The following PTPN14 variants were observed in gnomAD, a reference collection of about 807,000 sequenced individuals.
PTPN14 encodes the protein tyrosine-protein phosphatase non-receptor type 14.
Under a neutral mutation model 126.8 loss-of-function variants are expected in PTPN14, and 53 were observed. That is an observed-to-expected ratio of 0.42 (90% CI 0.34 to 0.53). The LOEUF is 0.53. Ranked by LOEUF, PTPN14 falls within the 20% of genes least tolerant of loss-of-function variation. PTPN14 has a pLI of 0.08. For synonymous variants in PTPN14, 630 were observed against 599.3 expected (o/e 1.05, Z -0.75); for missense variants, 1,257 against 1,552.9 (o/e 0.81, Z 3.20).
chr1:214,497,129 G>A (rs74915630), intron 1 of PTPN14, among the ~76,000 whole-genome samples: 7,752 of 148,118 alleles, frequency 0.052, 669 homozygotes, highest in African/African-American at 0.18. Context: ...GTGGGGGGTC[G>A]GGGGGAAGAA....
chr1:214,544,263 T>A (rs559797529), intron 1 of PTPN14, among the ~76,000 whole-genome samples: 32 of 151,886 alleles, frequency 2.1e-4, no homozygotes, highest in African/African-American at 7.7e-4. Context: ...ACTCCATCTG[T>A]ACAAAAATTT....
intron 1 of PTPN14, among the ~76,000 whole-genome samples, chr1:214,504,533 C>T (rs796635450): frequency 4.1e-4 from 62 of 152,262 alleles, no homozygotes; most frequent in African/African-American, 1.3e-3. Context: ...CACCCAGGAA[C>T]GGGGCTCTTA....
chr1:214,550,003 T>C (rs1350864804), intron 1 of PTPN14, among the ~76,000 whole-genome samples: 2 of 152,208 alleles, frequency 1.3e-5, no homozygotes, highest in Admixed American at 6.5e-5. Context: ...GCACGAGCTG[T>C]TTCCTCTGCC....
At chr1:214,491,359 T>C (rs1445320995) in intron 1 of PTPN14, among the ~76,000 whole-genome samples, 4 of 152,140 alleles carry the variant, frequency 2.6e-5, no homozygotes, top group Non-Finnish European at 5.9e-5. Context: ...CCAACTTTTA[T>C]TCACTGGTCG....
intron 13 of PTPN14, among the ~76,000 whole-genome samples, chr1:214,381,511 CA>C: frequency 6.6e-6 from 1 of 152,298 alleles, no homozygotes; most frequent in African/African-American, 2.4e-5. Flanking sequence ...TGCAAAAAGT[CA>C]TATCTGTATA....
At chr1:214,512,303 G>A (rs1338017422) in intron 1 of PTPN14, among the ~76,000 whole-genome samples, 1 of 152,070 alleles carries the variant, frequency 6.6e-6, no homozygotes, top group East Asian at 1.9e-4. Flanking sequence ...TAAGGGTTTG[G>A]CCTAGGCTGT....
intron 1 of PTPN14, among the ~76,000 whole-genome samples, chr1:214,524,482 T>C (rs1018749288): frequency 6.6e-6 from 1 of 151,788 alleles, no homozygotes; most frequent in Non-Finnish European, 1.5e-5. Flanking sequence ...CAAGACTCTG[T>C]CTCTAACAAA....
chr1:214,514,547 C>G (rs1026589095), intron 1 of PTPN14, among the ~76,000 whole-genome samples: 2 of 151,532 alleles, frequency 1.3e-5, no homozygotes, highest in African/African-American at 4.9e-5. Flanking sequence ...TTCCCAGACT[C>G]TCTCTACTAG....
chr1:214,457,001 C>A (rs567475735), intron 2 of PTPN14, among the ~76,000 whole-genome samples: 1 of 152,188 alleles, frequency 6.6e-6, no homozygotes, highest in African/African-American at 2.4e-5. Context: ...TCTGCCAGGG[C>A]ATGAGGTGTT....
chr1:214,408,661 G>A (rs950851401), intron 5 of PTPN14, among the ~76,000 whole-genome samples: 15 of 152,098 alleles, frequency 9.9e-5, no homozygotes, highest in Non-Finnish European at 2.9e-5. Context: ...AATGAATAAC[G>A]CCAGATACAG....
intron 3 of PTPN14, among the ~76,000 whole-genome samples, chr1:214,428,801 G>C (rs374209543): frequency 2.6e-5 from 4 of 152,144 alleles, no homozygotes; most frequent in East Asian, 3.8e-4. Context: ...CTTCCCACTT[G>C]AGCCCTATTA....
intron 3 of PTPN14, among the ~76,000 whole-genome samples, chr1:214,415,804 A>G (rs1192156033): frequency 6.6e-6 from 1 of 152,178 alleles, no homozygotes; most frequent in Non-Finnish European, 1.5e-5. Context: ...TAAACAGGAT[A>G]AAGACAGCCA....
chr1:214,391,833 T>C (rs1209723120), intron 10 of PTPN14, among the ~76,000 whole-genome samples: 1 of 152,084 alleles, frequency 6.6e-6, no homozygotes, highest in Non-Finnish European at 1.5e-5. Flanking sequence ...TTTTATGAAA[T>C]GATGGAGGTA....
At chr1:214,489,570 G>C (rs1056380211) in intron 1 of PTPN14, among the ~76,000 whole-genome samples, 1 of 152,136 alleles carries the variant, frequency 6.6e-6, no homozygotes, top group African/African-American at 2.4e-5. Context: ...CCCTCTCTAA[G>C]GTTTGATGCC....
intron 2 of PTPN14, among the ~76,000 whole-genome samples, chr1:214,462,395 C>T (rs996867997): frequency 2.0e-5 from 3 of 152,190 alleles, no homozygotes; most frequent in Non-Finnish European, 2.9e-5. Flanking sequence ...TAAACTCTAG[C>T]TTGACCTGGT....
chr1:214,501,103 A>C (rs1239279065), intron 1 of PTPN14, among the ~76,000 whole-genome samples: 2 of 152,204 alleles, frequency 1.3e-5, no homozygotes, highest in African/African-American at 4.8e-5. Flanking sequence ...TAATGTGATA[A>C]ATAGCGCAAT....
intron 8 of PTPN14, among the ~76,000 whole-genome samples, chr1:214,395,510 C>A (rs539045529): frequency 7.9e-5 from 12 of 151,556 alleles, no homozygotes; most frequent in Non-Finnish European, 1.8e-4. Flanking sequence ...TGACTTTGGA[C>A]TTAGTGTCAG....
At chr1:214,412,148 T>C (rs1405869731) in intron 4 of PTPN14, among the ~76,000 whole-genome samples, 1 of 152,212 alleles carries the variant, frequency 6.6e-6, no homozygotes, top group African/African-American at 2.4e-5. Flanking sequence ...TCTTTTCATA[T>C]ATATGCAGCT....
At chr1:214,549,595 T>C (rs1656054390) in intron 1 of PTPN14, among the ~76,000 whole-genome samples, 1 of 152,214 alleles carries the variant, frequency 6.6e-6, no homozygotes, top group African/African-American at 2.4e-5. Context: ...TAGCTAACTT[T>C]ATAATACAAG....
Sources: allele counts gnomAD v4.1 joint callset (sites outside exome capture counted in the v4.1 genomes callset), GRCh38; gene constraint gnomAD v4.1.1; transcripts MANE v1.5; gene names NCBI Gene and HGNC (gene_info 2026-07-23, HGNC 2026-07-21).